Variants in NKAIN2 observed in about 807,000 individuals in gnomAD.
NKAIN2 encodes the protein sodium/potassium transporting ATPase interacting 2, also known as sodium/potassium-transporting ATPase subunit beta-1-interacting protein 2.
A neutral mutation model predicts 32.6 loss-of-function variants in NKAIN2; 14 were observed. The ratio of observed to expected loss-of-function variants is 0.43; its 90% CI spans 0.28 to 0.67. NKAIN2 has a LOEUF of 0.67. NKAIN2 is among the 30% of genes least tolerant of loss of function. The pLI is 0.17. For synonymous variants in NKAIN2, 80 were observed against 87.2 expected, an observed-to-expected ratio of 0.92 and a Z score of 0.46; for missense variants, 198 against 258.3, an observed-to-expected ratio of 0.77 and a Z score of 1.60.
chr6:123,900,532 GTTTTTTTTTTT>G lies in NKAIN2; in HGVS notation c.54+96305_54+96315del, dbSNP rs34370743. ...GGCAAGGTTTTCTGTCTCCAGATTA[GTTTTTTTTTTT>G]TTTTTTTTTTTTTTTTTTTTTTTTT... On this transcript the variant is annotated intron_variant, in intron 1 of 6. Transcript: ENST00000368417. 2.6e-3 allele frequency among the ~76,000 whole-genome samples: 85 copies of G among 32,764 alleles called. 1 individual carries two copies. Among genetic ancestry groups the G allele is most frequent in the Admixed American group, 5.0e-3 (8 of 1,590 alleles). 21.5% of individuals were successfully genotyped at this position (32,764 alleles called of 152,430 possible).
chr6:124,465,989 AAAC>A (rs1776737684), intron 3 of NKAIN2, among the ~76,000 whole-genome samples: 1 of 152,150 alleles, frequency 6.6e-6, no homozygotes, highest in South Asian at 2.1e-4. Flanking sequence ...TTAAATATAA[AAAC>A]AAACTCACAT....
At chr6:124,731,792 C>T (rs905592318) in intron 4 of NKAIN2, among the ~76,000 whole-genome samples, 2 of 151,996 alleles carry the variant, frequency 1.3e-5, no homozygotes, top group Non-Finnish European at 2.9e-5. Context: ...TACTCATCTG[C>T]TCACTTTTCT....
rs114166149 is a variant in NKAIN2, at chr6:123,811,627, A to G, written c.54+7373A>G. On this transcript the variant is annotated intron_variant, in intron 1 of 6. Transcript: ENST00000368417. ...AAATAGGGCAAATAATTCCTGACCT[A>G]TTTACCCTATAGAATAGGAGTATCT... is the stretch of plus-strand genomic sequence containing the variant. Among the ~76,000 whole-genome samples, 1,492 of 152,190 alleles carry G rather than the reference A, an allele frequency of 9.8e-3. 20 individuals are homozygous for G. The highest frequency in any genetic ancestry group is 0.034 in the African/African-American group (1,411 of 41,522).
At chr6:123,988,788 TA>T (rs1315770227) in intron 1 of NKAIN2, among the ~76,000 whole-genome samples, 11 of 152,102 alleles carry the variant, frequency 7.2e-5, no homozygotes, top group Non-Finnish European at 1.2e-4. Context: ...GTTTAGAAAA[TA>T]AAAGAAATCA....
chr6:124,467,817 A>C (rs1776823303), intron 3 of NKAIN2, among the ~76,000 whole-genome samples: 5 of 152,112 alleles, frequency 3.3e-5, no homozygotes, highest in Admixed American at 3.3e-4. Flanking sequence ...TTACTTTGAA[A>C]ATATTATTAT....
chr6:124,441,587 T>G (rs1337800221), intron 3 of NKAIN2, among the ~76,000 whole-genome samples: 1 of 152,040 alleles, frequency 6.6e-6, no homozygotes, highest in Non-Finnish European at 1.5e-5. Context: ...CAGACTCAGC[T>G]GAAGTTCCAG....
chr6:124,441,521 T>G lies in NKAIN2; in HGVS notation c.273+86174T>G, dbSNP rs1272194748. Among the ~76,000 whole-genome samples the G allele has an allele frequency of 3.3e-5, 5 of 152,182 alleles. No individual in the cohort carries two copies. In the East Asian group the frequency reaches 7.7e-4, roughly 24 times the overall value. On this transcript the variant is annotated intron_variant, in intron 3 of 6. Coordinates refer to ENST00000368417, the MANE Select transcript of NKAIN2 (RefSeq NM_001040214.3). ...GGCTCTACCTTGCATTTGGGACACA[T>G]GTCTTTAGAGTCCACCACTATGCTC...
intron 3 of NKAIN2, among the ~76,000 whole-genome samples, chr6:124,625,799 C>G (rs375307848): frequency 2.3e-4 from 35 of 152,024 alleles, no homozygotes; most frequent in African/African-American, 7.2e-4. Flanking sequence ...GGTTAAATAA[C>G]TGGGCTAAGG....
chr6:124,058,519 C>A (rs190580586), intron 1 of NKAIN2, among the ~76,000 whole-genome samples: 1 of 151,934 alleles, frequency 6.6e-6, no homozygotes, highest in Non-Finnish European at 1.5e-5. Flanking sequence ...CAAAACACAT[C>A]CAATATTAGT....
rs1195051627 is a variant in NKAIN2 at position 124,545,836 on chromosome 6, ACAC to A, written c.274-112349_274-112347del. Among the ~76,000 whole-genome samples the A allele has an allele frequency of 4.6e-5, 7 of 152,250 alleles. No individual in the cohort carries two copies. In the East Asian group the frequency reaches 1.2e-3, roughly 25 times the overall value. ...CACAATGCAACTACAAAATGAAATG[ACAC>A]AAACATTAGTCTCAGGAATTCTGCC... On this transcript the variant is annotated intron_variant, in intron 3 of 6. Transcript: ENST00000368417.
intron 4 of NKAIN2, among the ~76,000 whole-genome samples, chr6:124,688,243 A>C (rs1774084811): frequency 6.6e-6 from 1 of 151,896 alleles, no homozygotes; most frequent in South Asian, 2.1e-4. Flanking sequence ...TGTATCATGT[A>C]CTCTGTCTTG....
intron 4 of NKAIN2, among the ~76,000 whole-genome samples, chr6:124,702,392 C>T (rs1319980374): frequency 2.6e-5 from 4 of 152,042 alleles, no homozygotes; most frequent in Non-Finnish European, 5.9e-5. Context: ...TTTATATTGA[C>T]TTGAATGATG....
At chr6:124,805,302 G>A (rs1249159168) in intron 5 of NKAIN2, among the ~76,000 whole-genome samples, 2 of 152,126 alleles carry the variant, frequency 1.3e-5, no homozygotes, top group South Asian at 2.1e-4. Flanking sequence ...AACTTCCAGA[G>A]GAACGATCAG....
At chr6:124,622,661 A>T (rs1783151407) in intron 3 of NKAIN2, among the ~76,000 whole-genome samples, 1 of 152,188 alleles carries the variant, frequency 6.6e-6, no homozygotes, top group Admixed American at 6.5e-5. Context: ...ATTGAGTAGT[A>T]GAGGTGGCTC....
At chr6:123,888,777 A>G (rs565279129) in intron 1 of NKAIN2, among the ~76,000 whole-genome samples, 5 of 152,230 alleles carry the variant, frequency 3.3e-5, no homozygotes, top group African/African-American at 9.6e-5. Context: ...CCATTTGCAG[A>G]GAATATTTTA....
At chr6:124,715,598 G>A (rs921594642) in intron 4 of NKAIN2, among the ~76,000 whole-genome samples, 1 of 152,184 alleles carries the variant, frequency 6.6e-6, no homozygotes, top group African/African-American at 2.4e-5. Flanking sequence ...ATATCACCAG[G>A]TGGGAGTCAC....
At chr6:124,064,166 T>C (rs1342899750) in intron 1 of NKAIN2, among the ~76,000 whole-genome samples, 2 of 152,122 alleles carry the variant, frequency 1.3e-5, no homozygotes, top group Admixed American at 1.3e-4. Flanking sequence ...TTAGCCAGGA[T>C]GTTCTCGATT....
chr6:124,071,469 A>G (rs1010798506), intron 1 of NKAIN2, among the ~76,000 whole-genome samples: 2 of 152,182 alleles, frequency 1.3e-5, no homozygotes, highest in African/African-American at 4.8e-5. Context: ...ACAAAAATTG[A>G]CAAGTGGGAC....
intron 1 of NKAIN2, among the ~76,000 whole-genome samples, chr6:124,003,371 A>G (rs1444987214): frequency 1.3e-5 from 2 of 152,146 alleles, no homozygotes; most frequent in Non-Finnish European, 2.9e-5. Flanking sequence ...CTATATATGC[A>G]TACAGATCGT....
Sources: allele counts gnomAD v4.1 joint callset (sites outside exome capture counted in the v4.1 genomes callset), GRCh38; gene constraint gnomAD v4.1.1; transcripts MANE v1.5; gene names NCBI Gene and HGNC (gene_info 2026-07-23, HGNC 2026-07-21).